PKD1: variants seen among roughly 807,000 people sequenced by gnomAD.
PKD1 encodes polycystin 1, transient receptor potential channel interacting.
In PKD1, 81 loss-of-function variants were observed where a neutral mutation model predicts 361.7. The ratio of observed to expected loss-of-function variants is 0.22; its 90% confidence interval spans 0.19 to 0.27. PKD1 has a LOEUF of 0.27. Among genes scored for constraint, PKD1 ranks in the 10% least tolerant of loss-of-function variants. PKD1 has a pLI of 1.00. For synonymous variants in PKD1, 3,615 were observed against 2,818.3 expected, an observed-to-expected ratio of 1.28 and a Z score of -8.95; for missense variants, 6,399 against 6,118.3, an observed-to-expected ratio of 1.05 and a Z score of -1.53.
chr16:2,130,128 TAAAG>T (rs1426220713), intron 1 of PKD1, among the ~76,000 whole-genome samples: 4 of 152,208 alleles, frequency 2.6e-5, no homozygotes, highest in Non-Finnish European at 5.9e-5. Context: ...CCGCGTCTAA[TAAAG>T]AAACTACCGT....
chr16:2,093,912 C>G lies in PKD1; in HGVS notation c.10720G>C (p.Gly3574Arg). The G allele has an allele frequency of 6.3e-7, 1 of 1,581,838 alleles. No homozygotes were observed. ...LLVAVAVAVS[G>R]WVGASFPPGV... The stretch of plus-strand genomic sequence containing the variant: ...GGGGGGAAGCTCGCACCCACCCACC[C>G]TGAGACAGCCACAGCCACAGCCACC... Residue 3574 changes from glycine to arginine, a missense_variant, in exon 36 of 46, where the codon GGG becomes CGG. Transcript: ENST00000262304.
intron 21 of PKD1, among the ~76,000 whole-genome samples, 185 bp downstream of exon 21, chr16:2,105,137 T>C (rs1374816154): frequency 6.7e-6 from 1 of 148,286 alleles, no homozygotes; most frequent in Non-Finnish European, 1.5e-5. Flanking sequence ...AGAGGCACCC[T>C]GCGTTCACAC....
rs2092044099 is a variant in PKD1, at chr16:2,100,362, C to A, written c.9568+34G>T. ...CTCGCAGGGCGCCCCAATGCGGGGG[C>A]AGAGGGGCAGAGCTTGGCAGGGTCC... On this transcript the variant is annotated intron_variant, in intron 27 of 45. Coordinates refer to ENST00000262304, the MANE Select transcript of PKD1 (RefSeq NM_001009944.3). This position sits in a 1 kb window ranked among gnomAD's most constrained non-coding sequence, Gnocchi z 4.4. 11 of 1,610,886 alleles carry A rather than the reference C, an allele frequency of 6.8e-6. No individual in the cohort carries two copies. Among genetic ancestry groups the A allele is most frequent in the Non-Finnish European group, 5.9e-6 (7 of 1,179,542 alleles).
rs1299777884 is a variant in PKD1, at chr16:2,103,544, T to C, written c.8513A>G (p.Tyr2838Cys). ...GGTGGAGACGGTGTAGTTGCTGATA[T>C]AGCCAAAGGGAAAGGGATTGGAGTC... ...LVDSNPFPFG[Y>C]ISNYTVSTKV... The change falls in exon 23 of 46, where the codon TAT (tyrosine) becomes TGT (cysteine). Residue 2838 changes from tyrosine (Y) to cysteine (C), a missense_variant. Physicochemically the swap from Tyr to Cys is radical, Grantham distance 194 (BLOSUM62 -2). Transcript: ENST00000262304. 6.8e-6 allele frequency: 11 copies of C among 1,608,908 alleles called. No homozygotes were observed. Among genetic ancestry groups the C allele is most frequent in the Admixed American group, 3.3e-5 (2 of 59,984 alleles).
At chr16:2,094,905 C>T (rs916113373) in intron 34 of PKD1, 1 of 152,656 alleles carries the variant, frequency 6.6e-6, no homozygotes, top group Non-Finnish European at 1.5e-5. Flanking sequence ...CCTCGTCAGC[C>T]CATCACCGAA....
intron 30 of PKD1, 160 bp from the exon 31 acceptor site, chr16:2,098,144 G>A (rs1380912412): frequency 6.5e-6 from 4 of 613,100 alleles, no homozygotes; most frequent in Non-Finnish European, 1.2e-5. Flanking sequence ...CGTGATGGCA[G>A]CCCCTCGCGA....
At position 2,111,695 on chromosome 16, in the gene PKD1, GAAC is replaced by G. The variant is rs1198743709; in HGVS notation, c.3469_3471del (p.Val1157del). 1 of 1,582,614 alleles carries G rather than the reference GAAC, an allele frequency of 6.3e-7. No individual in the cohort carries two copies. The highest frequency in any genetic ancestry group is 8.6e-7 in the Non-Finnish European group (1 of 1,165,922). ...CCGTCCCCGAAGTCCCACGTGTAAA[GAAC>G]ACCCCCAGGCGAGGGCAGCGGGTGC... is the stretch of plus-strand genomic sequence containing the variant. On this transcript the variant is annotated inframe_deletion, in exon 15 of 46. Coordinates refer to ENST00000262304, the MANE Select transcript of PKD1 (RefSeq NM_001009944.3).
At chr16:2,120,941 C>T (rs373947178) in intron 1 of PKD1, among the ~76,000 whole-genome samples, 6 of 149,940 alleles carry the variant, frequency 4.0e-5, no homozygotes, top group East Asian at 2.0e-4. Flanking sequence ...CACGTGAACC[C>T]GGGAGGCGAA....
At chr16:2,120,973 C>T (rs1263908179) in intron 1 of PKD1, among the ~76,000 whole-genome samples, 2 of 149,568 alleles carry the variant, frequency 1.3e-5, no homozygotes, top group East Asian at 2.0e-4. Context: ...GCCAAGATCA[C>T]GCCACTGCAA....
rs370832829 is a variant in PKD1, at chr16:2,093,853, G to A, written c.10779C>T (p.Ser3593=). The A allele has an allele frequency of 2.7e-5, 43 of 1,566,400 alleles. No individual in the cohort carries two copies. Among genetic ancestry groups the A allele is most frequent in the Middle Eastern group, 1.7e-4 (1 of 6,040 alleles). The part of the protein sequence containing the change: ...GVSVAWLLSS[S]ASFLASFLGW... ...CGAGGAATGAGGCCAGGAAGCTGGCGCTGCTGGACAGGAGCCACGCAACAC... is the reference window on the plus strand; with the variant it reads ...CGAGGAATGAGGCCAGGAAGCTGGCACTGCTGGACAGGAGCCACGCAACAC... The change falls in exon 36 of 46, where the codon AGC becomes AGT. Residue 3593 remains serine, a synonymous_variant. Transcript: ENST00000262304.
At chr16:2,130,709 T>C (rs1466209141) in intron 1 of PKD1, among the ~76,000 whole-genome samples, 1 of 152,196 alleles carries the variant, frequency 6.6e-6, no homozygotes, top group African/African-American at 2.4e-5. Context: ...AGAATGCCTG[T>C]CTTCCCCGAC....
intron 20 of PKD1, 95 bp from the exon 21 acceptor site, chr16:2,105,569 C>G: frequency 6.3e-7 from 1 of 1,594,108 alleles, no homozygotes; most frequent in Non-Finnish European, 8.5e-7. Context: ...CAGTTACGTG[C>G]TAGACGCTGT....
Position 2,118,029 on chromosome 16 carries a change from G to C in PKD1, c.963C>G (p.Ala321=), listed in dbSNP as rs767003836. 4 of 1,599,618 alleles carry C rather than the reference G, an allele frequency of 2.5e-6. No homozygotes were observed. Among genetic ancestry groups the C allele is most frequent in the South Asian group, 1.1e-5 (1 of 90,828 alleles). Residue 321 remains alanine, a synonymous_variant, in exon 5 of 46, where the codon GCC becomes GCG. Transcript: ENST00000262304. The surrounding 1 kb of genome is among the most constrained non-coding windows in gnomAD (Gnocchi z 6.0). ...SAEVDAAGPA[A]SHRYVLPGRY... is the part of the protein sequence containing the mutation. ...GCCCAGGCAGCACATAGCGATGCGA[G>C]GCAGCCGGCCCAGCGGCATCCACCT...
chr16:2,095,882 G>A (rs778736338), intron 34 of PKD1, among the ~76,000 whole-genome samples: 6 of 152,124 alleles, frequency 3.9e-5, no homozygotes, highest in Non-Finnish European at 7.3e-5. Flanking sequence ...TGGTCAGCAT[G>A]TAGTGACTAC....
At position 2,111,703 on chromosome 16, in the gene PKD1, C is replaced by A. The variant is rs1359532319; in HGVS notation, c.3464G>T (p.Gly1155Val). ...TFYPHPLPSP[G>V]GVLYTWDFGD... ...GAAGTCCCACGTGTAAAGAACACCCCCAGGCGAGGGCAGCGGGTGCGGGTA... is the reference window on the plus strand; with the variant it reads ...GAAGTCCCACGTGTAAAGAACACCCACAGGCGAGGGCAGCGGGTGCGGGTA... Residue 1155 changes from glycine (G) to valine (V), a missense_variant, in exon 15 of 46, where the codon GGG becomes GTG. Physicochemically the swap from Gly to Val is moderately radical, Grantham distance 109 (BLOSUM62 -3). Transcript: ENST00000262304. The A allele has an allele frequency of 1.6e-5, 25 of 1,584,564 alleles. No individual in the cohort carries two copies. The highest frequency in any genetic ancestry group is 2.1e-5 in the Non-Finnish European group (24 of 1,166,930).
At position 2,110,387 on chromosome 16, in the gene PKD1, C is replaced by A; in HGVS notation, c.4780G>T (p.Gly1594Cys). Residue 1594 changes from glycine to cysteine, a missense_variant, in exon 15 of 46, where the codon GGT becomes TGT. Physicochemically the swap from Gly to Cys is radical, Grantham distance 159. Transcript: ENST00000262304. ...CGGAAGGTGTAAGAGATGGTAGGACCCCCAGGGATGGGCGTGCAGCGGTCA... is the reference window on the plus strand; with the variant it reads ...CGGAAGGTGTAAGAGATGGTAGGACACCCAGGGATGGGCGTGCAGCGGTCA... Reference protein sequence around the residue: ...LCDRCTPIPGGPTISYTFRSV... With the variant: ...LCDRCTPIPGCPTISYTFRSV... 2 of 1,612,616 alleles carry A rather than the reference C, an allele frequency of 1.2e-6. No homozygotes were observed. The highest frequency in any genetic ancestry group is 2.2e-5 in the South Asian group (2 of 91,084).
chr16:2,130,068 CGT>C (rs1266017968), intron 1 of PKD1, among the ~76,000 whole-genome samples: 4 of 152,150 alleles, frequency 2.6e-5, no homozygotes, highest in South Asian at 2.1e-4. Flanking sequence ...CAGGAGTGAG[CGT>C]GTGACTTCTT....
At chr16:2,135,302 C>T in intron 1 of PKD1, 173 bp downstream of exon 1, 13 of 985,314 alleles carry the variant, frequency 1.3e-5, no homozygotes, top group Non-Finnish European at 1.6e-5. Context: ...TCCCCGGGGC[C>T]GTGCCAACCG....
At chr16:2,134,240 T>C (rs2092923267) in intron 1 of PKD1, among the ~76,000 whole-genome samples, 1 of 122,876 alleles carries the variant, frequency 8.1e-6, no homozygotes, top group Admixed American at 8.0e-5. Context: ...GCTCCATTGG[T>C]CCAGGAGAAC....
Sources: gnomAD v4.1 joint callset for allele counts (sites outside exome capture counted in the v4.1 genomes callset) on GRCh38, gnomAD v4.1.1 for gene constraint, Gnocchi (gnomAD v3.1) non-coding constraint, MANE v1.5 for transcripts, NCBI Gene and HGNC (gene_info 2026-07-23, HGNC 2026-07-21) for gene names.